The following TRPM3 variants were observed in gnomAD, a reference collection of about 807,000 sequenced individuals.
The protein encoded by TRPM3 is long transient receptor potential channel 3.
TRPM3 carries 77 observed loss-of-function variants against 181.2 expected under a neutral mutation model. The ratio of observed to expected loss-of-function variants is 0.42; its 90% CI spans 0.35 to 0.51. The LOEUF (loss-of-function observed/expected upper bound fraction) is 0.51. Ranked by LOEUF, TRPM3 falls within the 20% of genes least tolerant of loss-of-function variation. The probability of loss-of-function intolerance (pLI) is 0.01; values close to 1 mark genes in which losing one functional copy is unlikely to be tolerated. For missense variants in TRPM3, 1,759 were observed against 2,196.7 expected, an observed-to-expected ratio of 0.80 and a Z score of 3.98; for synonymous variants, 745 against 796.4, an observed-to-expected ratio of 0.94 and a Z score of 1.09.
intron 1 of TRPM3, among the ~76,000 whole-genome samples, chr9:71,222,194 A>T (rs573643345): frequency 2.0e-5 from 3 of 152,326 alleles, no homozygotes; most frequent in Admixed American, 1.3e-4. Flanking sequence ...TAAAAATATA[A>T]TAATAAATCC....
At chr9:71,021,691 T>A (rs1360776221) in intron 1 of TRPM3, among the ~76,000 whole-genome samples, 1 of 152,078 alleles carries the variant, frequency 6.6e-6, no homozygotes, top group African/African-American at 2.4e-5. Context: ...GAGGTCAGAT[T>A]TGGGGAAGCA....
intron 2 of TRPM3, among the ~76,000 whole-genome samples, 172 bp downstream of exon 2, chr9:70,864,259 GA>G (rs1447831372): frequency 6.6e-6 from 1 of 151,912 alleles, no homozygotes; most frequent in African/African-American, 2.4e-5. Context: ...ATTAATTGTA[GA>G]AATGACATAT....
intron 5 of TRPM3, among the ~76,000 whole-genome samples, chr9:70,835,692 G>A (rs1241309425): frequency 1.3e-5 from 2 of 152,018 alleles, no homozygotes; most frequent in African/African-American, 4.8e-5. Context: ...GTCTCCATAT[G>A]TACATAGAGA....
chr9:71,271,193 G>A (rs750818226), intron 1 of TRPM3, among the ~76,000 whole-genome samples: 12 of 152,080 alleles, frequency 7.9e-5, no homozygotes, highest in South Asian at 2.1e-4. Context: ...AGGGGCAAAC[G>A]AACCTACCCT....
intron 1 of TRPM3, among the ~76,000 whole-genome samples, chr9:71,403,499 AAAGAT>A (rs1365768993): frequency 2.6e-5 from 4 of 152,318 alleles, no homozygotes; most frequent in East Asian, 3.9e-4. Context: ...GTCATTTTAA[AAAGAT>A]AATAATGATG....
Position 70,620,162 on chromosome 9 carries a change from G to A in TRPM3, c.2043C>T (p.Ala681=). The A allele has an allele frequency of 6.2e-7, 1 of 1,614,174 alleles. No individual in the cohort carries two copies. Among genetic ancestry groups the A allele is most frequent in the Non-Finnish European group, 8.5e-7 (1 of 1,180,032 alleles). ...GEEAMAKALV[A]CKLCKAMAHE... Reference sequence around the variant, plus strand: ...GAGCCATGGCTTTGCAGAGCTTGCAGGCCACCAGGGCCTTGGCCATGGCCT... The same window carrying A: ...GAGCCATGGCTTTGCAGAGCTTGCAAGCCACCAGGGCCTTGGCCATGGCCT... Residue 681 remains alanine, a synonymous_variant, in exon 16 of 26, where the codon GCC becomes GCT. Coordinates refer to ENST00000677713, the MANE Select transcript of TRPM3 (RefSeq NM_001366145.2).
chr9:71,190,177 T>C (rs1320145503), intron 1 of TRPM3, among the ~76,000 whole-genome samples: 1 of 151,852 alleles, frequency 6.6e-6, no homozygotes, highest in African/African-American at 2.4e-5. Context: ...CAGATCCATG[T>C]CACTTCACAT....
intron 1 of TRPM3, among the ~76,000 whole-genome samples, chr9:71,292,657 A>G (rs534167923): frequency 1.6e-4 from 24 of 152,056 alleles, no homozygotes; most frequent in African/African-American, 5.8e-4. Context: ...TTAGCTGTTG[A>G]AGATTTTCCA....
chr9:71,068,492 C>G (rs927875625), intron 1 of TRPM3, among the ~76,000 whole-genome samples: 1 of 152,162 alleles, frequency 6.6e-6, no homozygotes, highest in East Asian at 1.9e-4. Context: ...ATGGTGCTAA[C>G]TACCAAACAT....
intron 1 of TRPM3, among the ~76,000 whole-genome samples, chr9:71,386,128 G>A (rs1269010319): frequency 1.3e-5 from 2 of 152,108 alleles, no homozygotes; most frequent in Admixed American, 6.5e-5. Flanking sequence ...GACAGAAAGA[G>A]GCAGAAAAGT....
At chr9:70,912,174 G>A (rs1019445475) in intron 1 of TRPM3, among the ~76,000 whole-genome samples, 3 of 152,118 alleles carry the variant, frequency 2.0e-5, no homozygotes, top group Non-Finnish European at 2.9e-5. Flanking sequence ...AAGAAAGAAG[G>A]GGCAAATAAA....
intron 1 of TRPM3, chr9:70,917,593 T>C: frequency 4.4e-6 from 2 of 452,258 alleles, no homozygotes; most frequent in Non-Finnish European, 8.3e-6. Context: ...TAATGGCTTA[T>C]ACTATAGATT....
At chr9:71,126,898 GA>G (rs2074066458) in intron 1 of TRPM3, among the ~76,000 whole-genome samples, 1 of 152,078 alleles carries the variant, frequency 6.6e-6, no homozygotes, top group African/African-American at 2.4e-5. Context: ...ACCTAAGACT[GA>G]GGTGAAATGT....
intron 9 of TRPM3, among the ~76,000 whole-genome samples, chr9:70,678,942 C>T (rs1328703071): frequency 1.3e-5 from 2 of 152,218 alleles, no homozygotes; most frequent in African/African-American, 4.8e-5. Context: ...TCAAAGCCTT[C>T]GCAAAATAGA....
intron 22 of TRPM3, among the ~76,000 whole-genome samples, chr9:70,565,138 C>G (rs1450514850): frequency 6.6e-6 from 1 of 152,188 alleles, no homozygotes. Context: ...CAAATGTATG[C>G]TGCATATGAA....
At chr9:71,004,683 T>A (rs546059590) in intron 1 of TRPM3, among the ~76,000 whole-genome samples, 1 of 152,200 alleles carries the variant, frequency 6.6e-6, no homozygotes, top group Admixed American at 6.5e-5. Flanking sequence ...AGAATAGTCC[T>A]CTTAAAGAAG....
At chr9:71,370,506 T>C (rs1565506650) in intron 1 of TRPM3, among the ~76,000 whole-genome samples, 1 of 152,150 alleles carries the variant, frequency 6.6e-6, no homozygotes, top group African/African-American at 2.4e-5. Flanking sequence ...GCCACAACAT[T>C]CCCTTAGGCC....
intron 1 of TRPM3, among the ~76,000 whole-genome samples, chr9:71,335,492 A>G (rs1304564947): frequency 6.6e-6 from 1 of 152,124 alleles, no homozygotes; most frequent in Admixed American, 6.6e-5. Context: ...TATGTGACTT[A>G]TACATACTGA....
chr9:71,262,572 C>CA (rs1004825022), intron 1 of TRPM3, among the ~76,000 whole-genome samples: 11 of 152,164 alleles, frequency 7.2e-5, no homozygotes, highest in African/African-American at 2.2e-4. Context: ...ACCAAAAAAA[C>CA]AAAAAACAAA....
Sources: gnomAD v4.1 joint callset for allele counts (sites outside exome capture counted in the v4.1 genomes callset) on GRCh38, gnomAD v4.1.1 for gene constraint, MANE v1.5 for transcripts, NCBI Gene and HGNC (gene_info 2026-07-23, HGNC 2026-07-21) for gene names.